The following FREM2 variants were observed in gnomAD, a reference collection of about 807,000 sequenced individuals.
FREM2 encodes the protein FRAS1 related extracellular matrix 2.
In FREM2, 119 loss-of-function variants were observed where a neutral mutation model predicts 219.9. The ratio of observed to expected loss-of-function variants is 0.54; its 90% CI spans 0.47 to 0.63. The LOEUF (loss-of-function observed/expected upper bound fraction) is 0.63, where lower values mean the gene tolerates loss of function less well. FREM2 is among the 30% of genes least tolerant of loss of function. FREM2 has a pLI of 0.00. For missense variants in FREM2, 4,030 were observed against 3,993.6 expected (o/e 1.01, Z -0.25); for synonymous variants, 1,562 against 1,522.8 (o/e 1.03, Z -0.60).
At chr13:38,758,781 A>T (rs1011103087) in intron 2 of FREM2, among the ~76,000 whole-genome samples, 4 of 152,216 alleles carry the variant, frequency 2.6e-5, no homozygotes, top group African/African-American at 9.6e-5. Context: ...TCTTCACCAT[A>T]ATCACTAGCA....
rs140189512 is a variant in FREM2 at position 38,873,381 on chromosome 13, A to G, written c.8176+447A>G. On this transcript the variant is annotated intron_variant, in intron 17 of 23. Coordinates refer to ENST00000280481, the MANE Select transcript of FREM2 (RefSeq NM_207361.6). ...TGGCCTGAATTCTAGTCATGACTCTACAACTAACTAGCTGTGAGATCTCAA... is the reference window on the plus strand; with the variant it reads ...TGGCCTGAATTCTAGTCATGACTCTGCAACTAACTAGCTGTGAGATCTCAA... Among the ~76,000 whole-genome samples, 291 of 152,358 alleles carry G rather than the reference A, an allele frequency of 1.9e-3. 1 individual carries two copies. Among genetic ancestry groups the G allele is most frequent in the African/African-American group, 6.8e-3 (283 of 41,576 alleles).
intron 6 of FREM2, among the ~76,000 whole-genome samples, chr13:38,838,384 C>T (rs577728584): frequency 6.6e-6 from 1 of 152,232 alleles, no homozygotes; most frequent in African/African-American, 2.4e-5. Context: ...TCTCTGGCTG[C>T]CCGCAACATT....
At chr13:38,777,406 G>A (rs1873915665) in intron 4 of FREM2, among the ~76,000 whole-genome samples, 1 of 152,122 alleles carries the variant, frequency 6.6e-6, no homozygotes, top group Admixed American at 6.6e-5. Context: ...ATGTGTAGTG[G>A]TTACGAGCCT....
intron 6 of FREM2, among the ~76,000 whole-genome samples, chr13:38,794,536 T>G (rs1874692416): frequency 6.6e-6 from 1 of 152,240 alleles, no homozygotes; most frequent in African/African-American, 2.4e-5. Context: ...ATTTGCTTTT[T>G]GACCATCTTT....
At chr13:38,788,544 G>T (rs1392217732) in intron 6 of FREM2, among the ~76,000 whole-genome samples, 1 of 152,120 alleles carries the variant, frequency 6.6e-6, no homozygotes, top group Non-Finnish European at 1.5e-5. Context: ...GATATCAAAT[G>T]TCAACACTTT....
rs1204323444 is a variant in FREM2, at chr13:38,689,920, C to T, written c.2576C>T (p.Thr859Ile). The T allele has an allele frequency of 6.2e-7, 1 of 1,614,058 alleles. No individual in the cohort carries two copies. Among genetic ancestry groups the T allele is most frequent in the Non-Finnish European group, 8.5e-7 (1 of 1,180,036 alleles). ...GAGTTGCACGTGAATGATGTAGACA[C>T]TGATGTTGCCCATATCTCTTTCACT... ...ETELHVNDVD[T>I]DVAHISFTLT... Residue 859 changes from threonine to isoleucine, a missense_variant, in exon 1 of 24, where the codon ACT (threonine) becomes ATT (isoleucine). Physicochemically the swap from Thr to Ile is moderately conservative, Grantham distance 89. Transcript: ENST00000280481.
chr13:38,701,009 C>T (rs769738236), intron 2 of FREM2, among the ~76,000 whole-genome samples: 15 of 151,902 alleles, frequency 9.9e-5, no homozygotes, highest in Non-Finnish European at 1.5e-4. Context: ...CCTTTGTTTT[C>T]GGTTCAGAGG....
At chr13:38,704,692 A>G (rs545434769) in intron 2 of FREM2, among the ~76,000 whole-genome samples, 1 of 152,334 alleles carries the variant, frequency 6.6e-6, no homozygotes, top group East Asian at 1.9e-4. Flanking sequence ...ATCCACCTGT[A>G]TTAGTCAGTT....
intron 2 of FREM2, among the ~76,000 whole-genome samples, chr13:38,734,044 A>G (rs1593373224): frequency 1.3e-5 from 2 of 152,158 alleles, no homozygotes; most frequent in African/African-American, 2.4e-5. Flanking sequence ...AAGGAAAGCA[A>G]TTGTTTACAT....
At chr13:38,774,033 CT>C (rs1873777063) in intron 4 of FREM2, among the ~76,000 whole-genome samples, 1 of 151,346 alleles carries the variant, frequency 6.6e-6, no homozygotes, top group African/African-American at 2.4e-5. Context: ...TTGTTTCCCC[CT>C]CTAGAGCTCT....
In FREM2 at chr13:38,832,362, A is replaced by G. The variant is rs541282315; in HGVS notation, c.6020-14211A>G. ...TTATTACAGGGAGAAGTTCATCAAC[A>G]TTTTTTTCTTCTTCGTTTTTCTTAG... On this transcript the variant is annotated intron_variant, in intron 6 of 23. Transcript: ENST00000280481. Among the ~76,000 whole-genome samples the G allele has an allele frequency of 3.9e-4, 59 of 152,040 alleles. 1 individual carries two copies. Among genetic ancestry groups the G allele is most frequent in the Non-Finnish European group, 7.5e-4 (51 of 67,998 alleles).
chr13:38,828,724 A>ATAC, intron 6 of FREM2, among the ~76,000 whole-genome samples: 1 of 148,396 alleles, frequency 6.7e-6, no homozygotes, highest in East Asian at 1.9e-4. Flanking sequence ...CTTAATAATA[A>ATAC]TAAATTAATT....
At chr13:38,878,091 C>T (rs1878406558) in intron 21 of FREM2, 43 bp from the exon 22 acceptor site, 2 of 1,503,104 alleles carry the variant, frequency 1.3e-6, no homozygotes, top group Non-Finnish European at 1.9e-6. Context: ...GTTGATATAC[C>T]TTATCATATA....
chr13:38,737,791 A>G (rs895019065), intron 2 of FREM2, among the ~76,000 whole-genome samples: 3 of 152,222 alleles, frequency 2.0e-5, no homozygotes, highest in Non-Finnish European at 4.4e-5. Context: ...GAAATAAGTC[A>G]TGAGGTTTTG....
intron 6 of FREM2, among the ~76,000 whole-genome samples, chr13:38,785,093 A>G (rs1426740300): frequency 2.0e-5 from 3 of 152,182 alleles, no homozygotes; most frequent in Non-Finnish European, 2.9e-5. Context: ...TTGACATTTC[A>G]TGGTGAAGAA....
Position 38,690,702 on chromosome 13 carries a change from C to T in FREM2, c.3358C>T (p.Pro1120Ser), listed in dbSNP as rs755494926. Residue 1120 changes from proline to serine, a missense_variant, in exon 1 of 24, where the codon CCA becomes TCA. Transcript: ENST00000280481. ...PTSGYVENIS[P>S]APGSEKSRAG... ...TTCAGGTTATGTTGAAAACATTTCTCCAGCACCAGGCTCTGAGAAATCAAG... is the reference window on the plus strand; with the variant it reads ...TTCAGGTTATGTTGAAAACATTTCTTCAGCACCAGGCTCTGAGAAATCAAG... 5.0e-6 allele frequency: 8 copies of T among 1,613,868 alleles called. No individual in the cohort carries two copies. The highest frequency in any genetic ancestry group is 2.2e-5 in the East Asian group (1 of 44,896).
At chr13:38,772,018 T>A (rs1566136461) in intron 4 of FREM2, among the ~76,000 whole-genome samples, 1 of 152,132 alleles carries the variant, frequency 6.6e-6, no homozygotes, top group Non-Finnish European at 1.5e-5. Context: ...AAAGGATCAC[T>A]TTTCCCCCCA....
In FREM2 at chr13:38,856,337, A is replaced by G. The variant is rs1420222571; in HGVS notation, c.7056+81A>G. The G allele has an allele frequency of 1.5e-5, 19 of 1,293,688 alleles. No individual in the cohort carries two copies. In the East Asian group the frequency reaches 4.3e-4, roughly 29 times the overall value. The allele number at this position is 1,293,688 out of a possible 1,614,324, so 80.1% of individuals were successfully genotyped here. ...CATAAAAGCAATCACATAGTGTACA[A>G]CAAAATGAGGAGACTTTGAACAAGC... On this transcript the variant is annotated intron_variant, in intron 12 of 23. Coordinates refer to ENST00000280481, the MANE Select transcript of FREM2 (RefSeq NM_207361.6).
chr13:38,729,269 G>A (rs1161852100), intron 2 of FREM2, among the ~76,000 whole-genome samples: 2 of 152,072 alleles, frequency 1.3e-5, no homozygotes, highest in African/African-American at 2.4e-5. Flanking sequence ...CTATGGGCTA[G>A]AATGATGATT....
Sources: gnomAD v4.1 joint callset for allele counts (sites outside exome capture counted in the v4.1 genomes callset) on GRCh38, gnomAD v4.1.1 for gene constraint, MANE v1.5 for transcripts, NCBI Gene and HGNC (gene_info 2026-07-23, HGNC 2026-07-21) for gene names.